TNXB: variants seen among roughly 807,000 people sequenced by gnomAD.
TNXB encodes the protein tenascin-X.
In TNXB, 183 loss-of-function variants were observed where a neutral mutation model predicts 340.5. The observed-to-expected ratio is 0.54, with a 90% CI of 0.48 to 0.61. The LOEUF (loss-of-function observed/expected upper bound fraction) is 0.61, where lower values mean the gene tolerates loss of function less well. Among genes scored for constraint, TNXB ranks in the 20% least tolerant of loss-of-function variants. The probability of loss-of-function intolerance (pLI) is 0.00; values close to 1 mark genes in which losing one functional copy is unlikely to be tolerated. For missense variants in TNXB, 4,613 were observed against 5,446.4 expected (o/e 0.85, Z 4.82); for synonymous variants, 2,121 against 2,314.5 (o/e 0.92, Z 2.40).
chr6:32,060,733 G>A (rs1379464012), intron 21 of TNXB, among the ~76,000 whole-genome samples: 1 of 151,850 alleles, frequency 6.6e-6, no homozygotes, highest in Non-Finnish European at 1.5e-5. Context: ...CTGCCTCCCG[G>A]GTTCAAGCAA....
rs759275239 is a variant in TNXB at position 32,043,707 on chromosome 6, T to G, written c.11530+42A>C. On this transcript the variant is annotated intron_variant, in intron 35 of 43. Transcript: ENST00000644971. ...CTCTCAACTCCCACCCATGCCGTTTTCTTGGCTCCCACCTCTTGCCCCGGG... is the reference window on the plus strand; with the variant it reads ...CTCTCAACTCCCACCCATGCCGTTTGCTTGGCTCCCACCTCTTGCCCCGGG... 73 of 1,613,316 alleles carry G rather than the reference T, an allele frequency of 4.5e-5. No individual in the cohort carries two copies. The South Asian group carries it at 7.2e-4, about 16-fold the overall frequency.
At position 32,065,075 on chromosome 6, in the gene TNXB, C is replaced by T. The variant is rs1433515024; in HGVS notation, c.6587G>A (p.Arg2196His). The change falls in exon 19 of 44, where the codon CGC becomes CAC. Residue 2196 changes from arginine (R) to histidine (H), a missense_variant. Physicochemically the swap from Arg to His is conservative, Grantham distance 29. Coordinates refer to ENST00000644971, the MANE Select transcript of TNXB (RefSeq NM_001365276.2). Reference sequence around the variant, plus strand: ...GTCTCTCACTGTCATCTGCCCTAGGCGCAGCTTTGCAAGAGGAGCATCAGG... The same window carrying T: ...GTCTCTCACTGTCATCTGCCCTAGGTGCAGCTTTGCAAGAGGAGCATCAGG... ...ESPDAPLAKL[R>H]LGQMTVRDIT... is the part of the protein sequence containing the mutation. The T allele has an allele frequency of 6.3e-6, 10 of 1,595,672 alleles. No homozygotes were observed. The highest frequency in any genetic ancestry group is 1.7e-5 in the Admixed American group (1 of 57,946).
rs1780039291 is a variant in TNXB at position 32,090,852 on chromosome 6, T to C, written c.2359-1473A>G. ...TTTATTTGTTCATTTTCTCTGTGTGTGTGTATGTCTCTTTCTCTTTATCCA... is the reference window on the plus strand; with the variant it reads ...TTTATTTGTTCATTTTCTCTGTGTGCGTGTATGTCTCTTTCTCTTTATCCA... On this transcript the variant is annotated intron_variant, in intron 4 of 43. Coordinates refer to ENST00000644971, the MANE Select transcript of TNXB (RefSeq NM_001365276.2). The surrounding 1 kb of genome is among the most constrained non-coding windows in gnomAD (Gnocchi z 4.3). Among the ~76,000 whole-genome samples the C allele has an allele frequency of 1.3e-5, 2 of 152,184 alleles. No individual in the cohort carries two copies. The highest frequency in any genetic ancestry group is 1.3e-4 in the Admixed American group (2 of 15,282).
Position 32,085,984 on chromosome 6 carries a change from C to A in TNXB, c.2914G>T (p.Asp972Tyr). The change falls in exon 7 of 44, where the codon GAT becomes TAT. Residue 972 changes from aspartate to tyrosine, a missense_variant. Around this residue, in one of 7 missense-constraint regions of TNXB, gnomAD observed 4,327 missense variants for 4,859.4 expected, o/e 0.89. Transcript: ENST00000644971. This position sits in a 1 kb window ranked among gnomAD's most constrained non-coding sequence, Gnocchi z 6.4. ...ACCACACGGAGGCGCCCTGTCTCATCTCTGCCCAGCACCCTCAACTCTCCC... is the reference window on the plus strand; with the variant it reads ...ACCACACGGAGGCGCCCTGTCTCATATCTGCCCAGCACCCTCAACTCTCCC... ...ELGELRVLGR[D>Y]ETGRLRVVWT... 1 of 1,607,788 alleles carries A rather than the reference C, an allele frequency of 6.2e-7. No homozygotes were observed. The highest frequency in any genetic ancestry group is 8.5e-7 in the Non-Finnish European group (1 of 1,178,682).
Position 32,053,495 on chromosome 6 carries a change from T to C in TNXB, c.8684A>G (p.Asp2895Gly). The C allele has an allele frequency of 6.2e-7, 1 of 1,613,398 alleles. No homozygotes were observed. Among genetic ancestry groups the C allele is most frequent in the East Asian group, 2.2e-5 (1 of 44,868 alleles). Residue 2895 changes from aspartate (D) to glycine (G), a missense_variant, in exon 25 of 44, where the codon GAC becomes GGC. Transcript: ENST00000644971. ...CTCCAGGCCTGAGATGGTGACCCCG[T>C]CCTCGTGCCCCGGCACCCGCACCAC... ...PKVVRVPGHEDGVTISGLEPD... is the reference protein window; with the variant it reads ...PKVVRVPGHEGGVTISGLEPD...
Position 32,048,488 on chromosome 6 carries a change from G to C in TNXB, c.9920C>G (p.Pro3307Arg). Residue 3307 changes from proline to arginine, a missense_variant, in exon 29 of 44, where the codon CCT (proline) becomes CGT (arginine). This residue lies in a region of TNXB where 4,327 missense variants were observed against 4,859.4 expected (regional missense o/e 0.89). Transcript: ENST00000644971. ...RDAQGQPQAV[P>R]VSGDLRAVAV... ...GACCGCTCGGAGGTCTCCGCTCACA[G>C]GCACTGCCTGGGGCTGCCCCTGCGC... The C allele has an allele frequency of 2.5e-6, 4 of 1,601,898 alleles. No homozygotes were observed. The South Asian group carries it at 4.5e-5, about 18-fold the overall frequency.
chr6:32,049,911 C>T lies in TNXB; in HGVS notation c.9439+87G>A. ...GCAGTTCTGTGGTGCTGACCAGACCCCTGTCCCATTCCCCACCAGTCATCA... is the reference window on the plus strand; with the variant it reads ...GCAGTTCTGTGGTGCTGACCAGACCTCTGTCCCATTCCCCACCAGTCATCA... On this transcript the variant is annotated intron_variant, in intron 27 of 43. Transcript: ENST00000644971. This position sits in a 1 kb window ranked among gnomAD's most constrained non-coding sequence, Gnocchi z 4.5. 6.3e-7 allele frequency: 1 copy of T among 1,588,134 alleles called. No homozygotes were observed. Among genetic ancestry groups the T allele is most frequent in the South Asian group, 1.1e-5 (1 of 88,050 alleles).
rs1778427850 is a variant in TNXB, at chr6:32,067,223, C to T, written c.6544+438G>A. ...ATTCTAGTGGAGGAAGTGGGTGGGG[C>T]AGAGATGAGCCAGACTGGCCAGAAG... On this transcript the variant is annotated intron_variant, in intron 18 of 43. Coordinates refer to ENST00000644971, the MANE Select transcript of TNXB (RefSeq NM_001365276.2). The surrounding 1 kb of genome is among the most constrained non-coding windows in gnomAD (Gnocchi z 4.2). Among the ~76,000 whole-genome samples, 1 of 151,334 alleles carries T rather than the reference C, an allele frequency of 6.6e-6. No individual in the cohort carries two copies. Among genetic ancestry groups the T allele is most frequent in the South Asian group, 2.1e-4 (1 of 4,776 alleles).
rs1776990326 is a variant in TNXB, at chr6:32,047,834, G to A, written c.10224C>T (p.Val3408=). 18 of 1,611,850 alleles carry A rather than the reference G, an allele frequency of 1.1e-5. No homozygotes were observed. Among genetic ancestry groups the A allele is most frequent in the Non-Finnish European group, 1.5e-5 (18 of 1,179,488 alleles). ...VVPVAANQRE[V]TVQGLEPSRK... ...TACTGGGCTCCAGGCCCTGGACTGT[G>A]ACCTCCCGCTGGTTGGCTGCCACCG... is the stretch of plus-strand genomic sequence containing the variant. The change falls in exon 30 of 44, where the codon GTC becomes GTT. Residue 3408 remains valine (V), a synonymous_variant. Coordinates refer to ENST00000644971, the MANE Select transcript of TNXB (RefSeq NM_001365276.2). This position sits in a 1 kb window ranked among gnomAD's most constrained non-coding sequence, Gnocchi z 6.2.
At chr6:32,065,194 C>T in intron 18 of TNXB, 77 bp from the exon 19 acceptor site, 1 of 1,333,884 alleles carries the variant, frequency 7.5e-7, no homozygotes, top group Non-Finnish European at 1.0e-6. Context: ...GAATTCAGGT[C>T]AGAAGGTGGG....
rs1372798653 is a variant in TNXB, at chr6:32,083,467, TGTAA to T, written c.3445+942_3445+945del. ...TCAATAAATGCACAAAAGGTATTTA[TGTAA>T]GTGTCTCTTAGATATTGATCTAAGT... On this transcript the variant is annotated intron_variant, in intron 8 of 43. Transcript: ENST00000644971. The surrounding 1 kb of genome is among the most constrained non-coding windows in gnomAD (Gnocchi z 4.6). 6.6e-6 allele frequency among the ~76,000 whole-genome samples: 1 copy of T among 152,188 alleles called. No homozygotes were observed. Among genetic ancestry groups the T allele is most frequent in the African/African-American group, 2.4e-5 (1 of 41,444 alleles).
At chr6:32,104,845 C>T (rs1365631210) in intron 1 of TNXB, among the ~76,000 whole-genome samples, 1 of 151,988 alleles carries the variant, frequency 6.6e-6, no homozygotes, top group Non-Finnish European at 1.5e-5. Flanking sequence ...CTATGTTGCT[C>T]GGGCTGGCCT....
At position 32,058,064 on chromosome 6, in the gene TNXB, C is replaced by A. The variant is rs757463918; in HGVS notation, c.7819G>T (p.Val2607Phe). The A allele has an allele frequency of 6.2e-7, 1 of 1,607,178 alleles. No individual in the cohort carries two copies. The highest frequency in any genetic ancestry group is 8.5e-7 in the Non-Finnish European group (1 of 1,176,674). Residue 2607 changes from valine (V) to phenylalanine (F), a missense_variant, in exon 22 of 44, where the codon GTC (valine) becomes TTC (phenylalanine). This residue lies in a region of TNXB where 4,327 missense variants were observed against 4,859.4 expected (regional missense o/e 0.89). Coordinates refer to ENST00000644971, the MANE Select transcript of TNXB (RefSeq NM_001365276.2). The surrounding 1 kb of genome is among the most constrained non-coding windows in gnomAD (Gnocchi z 5.1). Reference protein sequence around the residue: ...RRLGPVSAVGVTEDEAETTQA... With the variant: ...RRLGPVSAVGFTEDEAETTQA... ...CCCACCCACACTCACTCACCTGTGA[C>A]GCCCACGGCAGACACCGGGCCCAGG...
In TNXB at chr6:32,043,817, T is replaced by C. The variant is rs754085722; in HGVS notation, c.11462A>G (p.Tyr3821Cys). ...TCGGACCGAGACCACGGTCACCTCA[T>C]AGCGAGCGCCTGGGATCAGCCCCTG... The part of the protein sequence containing the change: ...KLQGLIPGAR[Y>C]EVTVVSVRGF... Residue 3821 changes from tyrosine to cysteine, a missense_variant, in exon 35 of 44, where the codon TAT becomes TGT. Coordinates refer to ENST00000644971, the MANE Select transcript of TNXB (RefSeq NM_001365276.2). The C allele has an allele frequency of 1.9e-6, 3 of 1,613,424 alleles. No homozygotes were observed. The highest frequency in any genetic ancestry group is 2.5e-6 in the Non-Finnish European group (3 of 1,179,998).
In TNXB at chr6:32,046,929, C is replaced by T. The variant is rs540844619; in HGVS notation, c.10325-473G>A. On this transcript the variant is annotated intron_variant, in intron 30 of 43. Coordinates refer to ENST00000644971, the MANE Select transcript of TNXB (RefSeq NM_001365276.2). The surrounding 1 kb of genome is among the most constrained non-coding windows in gnomAD (Gnocchi z 6.9). ...CATCACTGCCAGGCTGTGATCTCCC[C>T]CTTGTCCCCTTGTGGCCATCAGCCT... Among the ~76,000 whole-genome samples the T allele has an allele frequency of 1.9e-4, 29 of 152,362 alleles. 3 individuals are homozygous for T. The highest frequency in any genetic ancestry group is 1.9e-3 in the Admixed American group (29 of 15,314).
At chr6:32,041,649 G>T (rs1776408181) in intron 43 of TNXB, 122 bp downstream of exon 43, 4 of 1,133,450 alleles carry the variant, frequency 3.5e-6, no homozygotes, top group Non-Finnish European at 3.9e-6. Flanking sequence ...CCTCTGCGAG[G>T]CTGGCATGAT....
At position 32,089,985 on chromosome 6, in the gene TNXB, G is replaced by A. The variant is rs943830088; in HGVS notation, c.2359-606C>T. 3.9e-5 allele frequency among the ~76,000 whole-genome samples: 6 copies of A among 152,246 alleles called. No individual in the cohort carries two copies. Among genetic ancestry groups the A allele is most frequent in the Middle Eastern group, 6.8e-3 (2 of 294 alleles). On this transcript the variant is annotated intron_variant, in intron 4 of 43. Transcript: ENST00000644971. The surrounding 1 kb of genome is among the most constrained non-coding windows in gnomAD (Gnocchi z 6.2). ...GGTCTGCCTCACCCTGAACCTCCTC[G>A]TAGATGCCTGCTCATGGCTGTGTAA...
rs993834088 is a variant in TNXB, at chr6:32,046,765, C to T, written c.10325-309G>A. Among the ~76,000 whole-genome samples the T allele has an allele frequency of 9.2e-5, 14 of 152,264 alleles. No individual in the cohort carries two copies. Among genetic ancestry groups the T allele is most frequent in the Middle Eastern group, 6.8e-3 (2 of 294 alleles). On this transcript the variant is annotated intron_variant, in intron 30 of 43. Transcript: ENST00000644971. This position sits in a 1 kb window ranked among gnomAD's most constrained non-coding sequence, Gnocchi z 6.9. ...TGGGTGGCTGGGGGTGCAGAGAGGG[C>T]CTTTGTTTACCCTGACCCCCAGCCC... is the stretch of plus-strand genomic sequence containing the variant.
intron 1 of TNXB, among the ~76,000 whole-genome samples, chr6:32,106,527 T>C (rs180699369): frequency 1.4e-3 from 209 of 152,280 alleles, no homozygotes; most frequent in Middle Eastern, 6.8e-3. Context: ...ACACATCTTC[T>C]GGCTTTCTAC....
Sources: allele counts gnomAD v4.1 joint callset (sites outside exome capture counted in the v4.1 genomes callset), GRCh38; gene constraint gnomAD v4.1.1; regional missense constraint gnomAD v4.1.1; non-coding constraint Gnocchi (gnomAD v3.1); transcripts MANE v1.5; gene names NCBI Gene and HGNC (gene_info 2026-07-23, HGNC 2026-07-21).